Variants in MAP3K1 observed in about 807,000 individuals in gnomAD.
MAP3K1 encodes the protein mitogen-activated protein kinase kinase kinase 1.
Under a neutral mutation model 144.2 loss-of-function variants are expected in MAP3K1, and 36 were observed. That is an observed-to-expected ratio of 0.25 (90% CI 0.19 to 0.33). The LOEUF (loss-of-function observed/expected upper bound fraction) is 0.33. MAP3K1 is among the 10% of genes least tolerant of loss of function. The pLI, the probability that MAP3K1 is intolerant of heterozygous loss-of-function variation, is 1.00. For missense variants in MAP3K1, 1,650 were observed against 1,881.9 expected (o/e 0.88, Z 2.28); for synonymous variants, 718 against 688.7 (o/e 1.04, Z -0.67).
chr5:56,891,298 CAGACCTT>C (rs1370092518), intron 19 of MAP3K1, among the ~76,000 whole-genome samples: 1 of 152,122 alleles, frequency 6.6e-6, no homozygotes, highest in Non-Finnish European at 1.5e-5. Context: ...TACAGGATCA[CAGACCTT>C]AGAGGATTTT....
chr5:56,857,571 G>T (rs1747379170), intron 2 of MAP3K1, among the ~76,000 whole-genome samples: 1 of 152,102 alleles, frequency 6.6e-6, no homozygotes. Context: ...GTGATTGTCT[G>T]CCCTACATTC....
chr5:56,871,767 A>G, intron 6 of MAP3K1, 143 bp from the exon 7 acceptor site: 1 of 701,066 alleles, frequency 1.4e-6, no homozygotes, highest in Non-Finnish European at 2.5e-6. Context: ...TTAATAGTGT[A>G]AATATGTATC....
rs751878437 is a variant in MAP3K1, at chr5:56,872,695, C to G, written c.1478C>G (p.Ser493Cys). The change falls in exon 8 of 20, where the codon TCT (serine) becomes TGT (cysteine). Residue 493 changes from serine to cysteine, a missense_variant. By Grantham distance (112) the Ser-to-Cys change is moderately radical. Coordinates refer to ENST00000399503, the MANE Select transcript of MAP3K1 (RefSeq NM_005921.2). ...CCTTTAATATGTCCCCTTTGTAGAT[C>G]TAAGTGGAGATCTCATGATTTCTAC... ...REPLICPLCR[S>C]KWRSHDFYSH... The G allele has an allele frequency of 1.9e-6, 3 of 1,608,096 alleles. No homozygotes were observed. Among genetic ancestry groups the G allele is most frequent in the African/African-American group, 2.7e-5 (2 of 74,772 alleles).
intron 19 of MAP3K1, among the ~76,000 whole-genome samples, chr5:56,891,552 A>G (rs1367234238): frequency 6.6e-6 from 1 of 152,052 alleles, no homozygotes; most frequent in African/African-American, 2.4e-5. Flanking sequence ...ATTAGATCCC[A>G]TTTGTCAATT....
At chr5:56,859,670 T>A (rs763064377) in intron 2 of MAP3K1, 45 bp from the exon 3 acceptor site, 1 of 1,411,106 alleles carries the variant, frequency 7.1e-7, no homozygotes, top group Non-Finnish European at 9.9e-7. Flanking sequence ...TTTACTTACC[T>A]TTTATATTTT....
At chr5:56,864,685 CTTAA>C in intron 3 of MAP3K1, 45 bp from the exon 4 acceptor site, 1 of 1,597,984 alleles carries the variant, frequency 6.3e-7, no homozygotes, top group Non-Finnish European at 8.6e-7. Context: ...ATAATAGTTT[CTTAA>C]TTAAGAAATG....
At chr5:56,824,045 A>G (rs1581205746) in intron 1 of MAP3K1, among the ~76,000 whole-genome samples, 1 of 152,338 alleles carries the variant, frequency 6.6e-6, no homozygotes, top group East Asian at 1.9e-4. Flanking sequence ...TGATAACCCT[A>G]CTTCATCCAA....
intron 1 of MAP3K1, among the ~76,000 whole-genome samples, chr5:56,830,762 C>T (rs1454772181): frequency 1.3e-5 from 2 of 152,102 alleles, no homozygotes; most frequent in Non-Finnish European, 2.9e-5. Flanking sequence ...GTTACTTCTG[C>T]CCCAGCTGTA....
intron 1 of MAP3K1, among the ~76,000 whole-genome samples, chr5:56,841,528 A>G (rs754126300): frequency 6.6e-6 from 1 of 152,222 alleles, no homozygotes; most frequent in Non-Finnish European, 1.5e-5. Context: ...ATTCAAAAAC[A>G]TGGAGAGCCA....
intron 1 of MAP3K1, among the ~76,000 whole-genome samples, chr5:56,843,985 A>G (rs543031063): frequency 1.1e-4 from 17 of 152,242 alleles, no homozygotes; most frequent in African/African-American, 3.6e-4. Context: ...TGCTCTGCAT[A>G]AAAGGACTTC....
At position 56,881,060 on chromosome 5, in the gene MAP3K1, T is replaced by C. The variant is rs1434967593; in HGVS notation, c.2180-23T>C. ...TTAATATCACTATTTTTTAATCATT[T>C]ATTTTTACTTTCCTTTTTGTAGGAT... On this transcript the variant is annotated intron_variant, in intron 12 of 19. Coordinates refer to ENST00000399503, the MANE Select transcript of MAP3K1 (RefSeq NM_005921.2). 2.5e-6 allele frequency: 4 copies of C among 1,577,980 alleles called. No individual in the cohort carries two copies. In the Admixed American group the frequency reaches 6.8e-5, roughly 27 times the overall value.
intron 6 of MAP3K1, among the ~76,000 whole-genome samples, chr5:56,871,622 A>G (rs1747855100): frequency 6.6e-6 from 1 of 152,214 alleles, no homozygotes; most frequent in South Asian, 2.1e-4. Flanking sequence ...GTACAGTAGC[A>G]GAATTTGGGG....
At position 56,893,775 on chromosome 5, in the gene MAP3K1, CCA is replaced by C; in HGVS notation, c.*97_*98del. ...CATTGATATTCTACTGGCCATGATGCCACTGAACAGCTATGAACGAGGCCAGT... is the reference window on the plus strand; with the variant it reads ...CATTGATATTCTACTGGCCATGATGCCTGAACAGCTATGAACGAGGCCAGT... On this transcript the variant is annotated 3_prime_UTR_variant, in exon 20 of 20. Transcript: ENST00000399503. 2 of 1,344,688 alleles carry C rather than the reference CCA, an allele frequency of 1.5e-6. No homozygotes were observed. Among genetic ancestry groups the C allele is most frequent in the Non-Finnish European group, 2.1e-6 (2 of 957,544 alleles). The allele number at this position is 1,344,688 out of a possible 1,614,324, so 83.3% of individuals were successfully genotyped here.
chr5:56,843,475 G>A (rs945563766), intron 1 of MAP3K1, among the ~76,000 whole-genome samples: 5 of 152,170 alleles, frequency 3.3e-5, no homozygotes, highest in African/African-American at 1.2e-4. Flanking sequence ...TTTGTATTCT[G>A]GGACTTACTT....
At chr5:56,838,612 G>A (rs2111806550) in intron 1 of MAP3K1, among the ~76,000 whole-genome samples, 1 of 152,322 alleles carries the variant, frequency 6.6e-6, no homozygotes, top group Middle Eastern at 3.4e-3. Context: ...GATTGCCTGA[G>A]TTAACATTTT....
intron 1 of MAP3K1, chr5:56,820,497 C>T: frequency 1.0e-6 from 1 of 985,132 alleles, no homozygotes; most frequent in Non-Finnish European, 1.2e-6. Context: ...GTTTCTGTAA[C>T]CTGGCCTTGT....
chr5:56,816,263 C>T (rs1011724683), intron 1 of MAP3K1, among the ~76,000 whole-genome samples: 2 of 151,876 alleles, frequency 1.3e-5, no homozygotes, highest in Non-Finnish European at 2.9e-5. Flanking sequence ...CGGGGACGTG[C>T]GGAAGAGTTT....
intron 6 of MAP3K1, among the ~76,000 whole-genome samples, chr5:56,869,189 T>A (rs112228208): frequency 1.3e-5 from 2 of 152,156 alleles, no homozygotes; most frequent in African/African-American, 4.8e-5. Flanking sequence ...GAGGATCTCT[T>A]GAGCCCAGAA....
In MAP3K1 at chr5:56,875,269, G is replaced by A. The variant is rs764990896; in HGVS notation, c.1924G>A (p.Val642Ile). The A allele has an allele frequency of 6.2e-7, 1 of 1,614,126 alleles. No homozygotes were observed. Among genetic ancestry groups the A allele is most frequent in the Admixed American group, 1.7e-5 (1 of 60,022 alleles). Residue 642 changes from valine to isoleucine, a missense_variant, in exon 10 of 20, where the codon GTC becomes ATC. Val to Ile is a conservative substitution (Grantham distance 29). This residue lies in a region of MAP3K1 where 841 missense variants were observed against 886.5 expected (regional missense o/e 0.95). Coordinates refer to ENST00000399503, the MANE Select transcript of MAP3K1 (RefSeq NM_005921.2). ...VEACCSVLSM[V>I]CADPVYKVYV... ...GGCATGCTGCAGCGTTCTGTCAATG[G>A]TCTGTGCTGACCCTGTCTACAAAGT...
Sources: gnomAD v4.1 joint callset for allele counts (sites outside exome capture counted in the v4.1 genomes callset) on GRCh38, gnomAD v4.1.1 for gene constraint, gnomAD v4.1.1 regional missense constraint, MANE v1.5 for transcripts, NCBI Gene and HGNC (gene_info 2026-07-23, HGNC 2026-07-21) for gene names.